Variants in MSI2 observed in about 807,000 individuals in gnomAD.
MSI2 encodes the protein musashi RNA binding protein 2.
A neutral mutation model predicts 45.6 loss-of-function variants in MSI2; 17 were observed. The observed-to-expected ratio is 0.37, with a 90% confidence interval of 0.26 to 0.56. MSI2 has a LOEUF of 0.56. MSI2 is among the 20% of genes least tolerant of loss of function. MSI2 has a pLI of 0.77. For synonymous variants in MSI2, 156 were observed against 158.2 expected (o/e 0.99, Z 0.11); for missense variants, 293 against 444.2 (o/e 0.66, Z 3.06).
At chr17:57,502,362 T>A (rs2143874096) in intron 6 of MSI2, among the ~76,000 whole-genome samples, 2 of 152,016 alleles carry the variant, frequency 1.3e-5, no homozygotes, top group South Asian at 4.2e-4. Flanking sequence ...CTTCTCCTCA[T>A]AAGCAGGATG....
At chr17:57,598,686 A>G (rs1905512891) in intron 8 of MSI2, among the ~76,000 whole-genome samples, 2 of 151,768 alleles carry the variant, frequency 1.3e-5, no homozygotes, top group African/African-American at 2.4e-5. Context: ...TAATTGAGAC[A>G]GAGTCTTGCT....
chr17:57,524,798 G>A (rs2086663129), intron 6 of MSI2, among the ~76,000 whole-genome samples: 1 of 152,224 alleles, frequency 6.6e-6, no homozygotes, highest in Non-Finnish European at 1.5e-5. Context: ...CTCCTAGATG[G>A]GAAATTTTGT....
chr17:57,415,929 G>A (rs1211608487), intron 6 of MSI2, among the ~76,000 whole-genome samples: 4 of 152,126 alleles, frequency 2.6e-5, no homozygotes, highest in Non-Finnish European at 5.9e-5. Flanking sequence ...TGGAGGATTT[G>A]GCTTTTTTTC....
chr17:57,459,473 G>T (rs1442361379), intron 6 of MSI2, among the ~76,000 whole-genome samples: 1 of 152,196 alleles, frequency 6.6e-6, no homozygotes, highest in Non-Finnish European at 1.5e-5. Flanking sequence ...CTGAACTTTT[G>T]ACCTCTGGCT....
At chr17:57,296,437 T>C (rs1598086581) in intron 5 of MSI2, among the ~76,000 whole-genome samples, 1 of 152,122 alleles carries the variant, frequency 6.6e-6, no homozygotes, top group African/African-American at 2.4e-5. Flanking sequence ...AGAGGCTTGG[T>C]CATTGTCTGG....
At position 57,682,324 on chromosome 17, in the gene MSI2, C is replaced by CCA. The variant is rs1913660967; in HGVS notation, c.*2808_*2809insAC. ...TCTACGGCGTTTTGTAGATCCCCCCCCCCCCACCCACTGTGAAGGGGTGCC... is the reference window on the plus strand; with the variant it reads ...TCTACGGCGTTTTGTAGATCCCCCCCCACCCCCACCCACTGTGAAGGGGTGCC... On this transcript the variant is annotated 3_prime_UTR_variant, in exon 14 of 14. Coordinates refer to ENST00000284073, the MANE Select transcript of MSI2 (RefSeq NM_138962.4). The CCA allele has an allele frequency of 6.0e-6, 1 of 165,986 alleles. No homozygotes were observed. The highest frequency in any genetic ancestry group is 1.3e-5 in the Non-Finnish European group (1 of 77,940). The allele number at this position is 165,986 out of a possible 1,614,324, so 10.3% of individuals were successfully genotyped here.
At chr17:57,302,861 C>T (rs1016430125) in intron 5 of MSI2, among the ~76,000 whole-genome samples, 4 of 152,132 alleles carry the variant, frequency 2.6e-5, no homozygotes, top group Non-Finnish European at 1.5e-5. Flanking sequence ...GGCAGCAGAT[C>T]GTGGGCAAGG....
chr17:57,691,866 A>G, the MSI2 span, among the ~76,000 whole-genome samples: 7 of 152,156 alleles, frequency 4.6e-5, no homozygotes, highest in Non-Finnish European at 7.4e-5. Flanking sequence ...CTCTAGTACA[A>G]TGTTGAACAA....
chr17:57,513,702 C>T (rs953388386), intron 6 of MSI2, among the ~76,000 whole-genome samples: 7 of 152,218 alleles, frequency 4.6e-5, no homozygotes, highest in Admixed American at 1.3e-4. Context: ...CCTCACCCCC[C>T]TCCCGGGCTC....
chr17:57,269,799 C>G (rs1243050479), intron 5 of MSI2, among the ~76,000 whole-genome samples: 1 of 152,140 alleles, frequency 6.6e-6, no homozygotes, highest in Non-Finnish European at 1.5e-5. Context: ...GCAGTCTGAC[C>G]TGTGACTTCA....
chr17:57,379,062 C>T (rs2083552134), intron 5 of MSI2, among the ~76,000 whole-genome samples: 1 of 151,908 alleles, frequency 6.6e-6, no homozygotes, highest in South Asian at 2.1e-4. Context: ...GTGTGTTCTG[C>T]AGACCGACCA....
intron 5 of MSI2, among the ~76,000 whole-genome samples, chr17:57,374,490 A>G (rs2143981556): frequency 6.6e-6 from 1 of 152,296 alleles, no homozygotes; most frequent in African/African-American, 2.4e-5. Flanking sequence ...ATTTAAAAAG[A>G]TGCTTGACAG....
In MSI2 at chr17:57,627,030, T is replaced by G; in HGVS notation, c.653-199T>G. 1.6e-6 allele frequency: 1 copy of G among 608,944 alleles called. No homozygotes were observed. The highest frequency in any genetic ancestry group is 2.8e-5 in the East Asian group (1 of 36,288). 37.7% of individuals were successfully genotyped at this position (608,944 alleles called of 1,614,324 possible). On this transcript the variant is annotated intron_variant, in intron 9 of 13. Coordinates refer to ENST00000284073, the MANE Select transcript of MSI2 (RefSeq NM_138962.4). The surrounding 1 kb of genome is among the most constrained non-coding windows in gnomAD (Gnocchi z 4.6). ...TCTGGCTGCCCAAATATGGGTTAAT[T>G]AGCAACAGCTGACAGCAGCGCCCCC...
intron 7 of MSI2, among the ~76,000 whole-genome samples, chr17:57,579,187 AGG>A (rs2144356596): frequency 6.6e-6 from 1 of 152,354 alleles, no homozygotes; most frequent in Non-Finnish European, 1.5e-5. Context: ...TAATAAACTA[AGG>A]AAAGGATGAC....
intron 9 of MSI2, among the ~76,000 whole-genome samples, chr17:57,622,281 T>A (rs2144587271): frequency 6.6e-6 from 1 of 150,788 alleles, no homozygotes; most frequent in East Asian, 2.0e-4. Context: ...CCCACAGTTA[T>A]CCAGCTCAAT....
chr17:57,340,961 A>G (rs1015362945), intron 5 of MSI2, among the ~76,000 whole-genome samples: 7 of 152,138 alleles, frequency 4.6e-5, no homozygotes, highest in Non-Finnish European at 8.8e-5. Flanking sequence ...TTCACCTCCG[A>G]CCTGGGATCT....
chr17:57,413,991 G>A (rs2084245866), intron 6 of MSI2, among the ~76,000 whole-genome samples: 1 of 151,978 alleles, frequency 6.6e-6, no homozygotes, highest in Admixed American at 6.5e-5. Flanking sequence ...GCACCTTGGT[G>A]AGTGGAACAG....
intron 5 of MSI2, among the ~76,000 whole-genome samples, chr17:57,299,900 G>A (rs1298514484): frequency 1.3e-5 from 2 of 152,170 alleles, no homozygotes; most frequent in Non-Finnish European, 2.9e-5. Context: ...TTGGTTTATG[G>A]GCATTCATAG....
At chr17:57,697,143 G>GACACACACACACATACACAC in the MSI2 span, among the ~76,000 whole-genome samples, 85 of 54,074 alleles carry the variant, frequency 1.6e-3, no homozygotes, top group East Asian at 3.2e-3. Context: ...TCGCCAGCAG[G>GACACACACACACATACACAC]ACACACACAC....
Sources: gnomAD v4.1 joint callset for allele counts (sites outside exome capture counted in the v4.1 genomes callset) on GRCh38, gnomAD v4.1.1 for gene constraint, Gnocchi (gnomAD v3.1) non-coding constraint, MANE v1.5 for transcripts, NCBI Gene and HGNC (gene_info 2026-07-23, HGNC 2026-07-21) for gene names.